Variants in DDB2 observed in about 807,000 individuals in gnomAD.
DDB2 encodes the protein damage specific DNA binding protein 2, also known as DNA damage-binding protein 2.
Under a neutral mutation model 50.5 loss-of-function variants are expected in DDB2, and 27 were observed. The ratio of observed to expected loss-of-function variants is 0.53; its 90% CI spans 0.39 to 0.74. The LOEUF (loss-of-function observed/expected upper bound fraction) is 0.74. Ranked by LOEUF, DDB2 falls within the 30% of genes least tolerant of loss-of-function variation. The pLI is 0.00. For synonymous variants in DDB2, 176 were observed against 205.5 expected, an observed-to-expected ratio of 0.86 and a Z score of 1.23; for missense variants, 424 against 545.6, an observed-to-expected ratio of 0.78 and a Z score of 2.22.
chr11:47,218,150 C>T (rs1352258288), intron 3 of DDB2, among the ~76,000 whole-genome samples: 1 of 152,202 alleles, frequency 6.6e-6, no homozygotes, highest in Non-Finnish European at 1.5e-5. Context: ...TCCCACTCCT[C>T]CACCGTCATT....
intron 3 of DDB2, among the ~76,000 whole-genome samples, chr11:47,224,971 T>C (rs995988670): frequency 1.3e-5 from 2 of 152,074 alleles, no homozygotes; most frequent in Non-Finnish European, 2.9e-5. Context: ...GAGGTCTCAC[T>C]CTCTCTTCCA....
Position 47,234,690 on chromosome 11 carries a change from C to T in DDB2, c.702+18C>T. 1.9e-6 allele frequency: 3 copies of T among 1,613,946 alleles called. No individual in the cohort carries two copies. The highest frequency in any genetic ancestry group is 1.3e-5 in the African/African-American group (1 of 75,026). On this transcript the variant is annotated intron_variant, in intron 5 of 9. Transcript: ENST00000256996. Reference sequence around the variant, plus strand: ...GCAAAGAGGTGCGTTCTCCGAGGTCCTGCCTTTCCCTCCCTCACCCCCACC... The same window carrying T: ...GCAAAGAGGTGCGTTCTCCGAGGTCTTGCCTTTCCCTCCCTCACCCCCACC...
chr11:47,234,493 T>A lies in DDB2; in HGVS notation c.603-80T>A, dbSNP rs1055052827. On this transcript the variant is annotated intron_variant, in intron 4 of 9. Coordinates refer to ENST00000256996, the MANE Select transcript of DDB2 (RefSeq NM_000107.3). ...ATATTTATTGAATGCCCGCTGTGGG[T>A]TAGTCACCGGAGCGGCAACAGTGAG... 4.7e-6 allele frequency: 5 copies of A among 1,072,800 alleles called. No individual in the cohort carries two copies. The Admixed American group carries it at 8.4e-5, about 18-fold the overall frequency. The allele number at this position is 1,072,800 out of a possible 1,614,324, so 66.5% of individuals were successfully genotyped here.
intron 3 of DDB2, among the ~76,000 whole-genome samples, chr11:47,231,366 CAT>C (rs1953646922): frequency 6.6e-6 from 1 of 152,116 alleles, no homozygotes; most frequent in African/African-American, 2.4e-5. Context: ...AATTAGGGCA[CAT>C]CCATGTAATG....
chr11:47,219,232 C>T (rs893533749), intron 3 of DDB2, among the ~76,000 whole-genome samples: 14 of 152,130 alleles, frequency 9.2e-5, no homozygotes, highest in Non-Finnish European at 1.0e-4. Context: ...CGTGAGCCAC[C>T]GCCCCCAGCC....
At chr11:47,219,044 A>G (rs909931043) in intron 3 of DDB2, among the ~76,000 whole-genome samples, 3 of 151,772 alleles carry the variant, frequency 2.0e-5, no homozygotes, top group Non-Finnish European at 4.4e-5. Flanking sequence ...TCCCGGATTC[A>G]TGCCATTCTC....
chr11:47,217,890 C>T (rs4647714), intron 3 of DDB2, among the ~76,000 whole-genome samples: 2,457 of 149,966 alleles, frequency 0.016, 75 homozygotes, highest in African/African-American at 0.056. Flanking sequence ...GACTCCATCT[C>T]AAAAAAAAAG....
In DDB2 at chr11:47,234,842, T is replaced by C; in HGVS notation, c.788T>C (p.Val263Ala). 1 of 1,614,192 alleles carries C rather than the reference T, an allele frequency of 6.2e-7. No homozygotes were observed. The highest frequency in any genetic ancestry group is 8.5e-7 in the Non-Finnish European group (1 of 1,180,022). The part of the protein sequence containing the change: ...CCDWFLATAS[V>A]DQTVKIWDLR... ...GATTGGTTCCTGGCCACAGCCTCCG[T>C]AGATCAAACAGTGAAAATTTGGGAC... The change falls in exon 6 of 10, where the codon GTA (valine) becomes GCA (alanine). Residue 263 changes from valine to alanine, a missense_variant. Transcript: ENST00000256996.
chr11:47,230,464 A>G (rs1458402578), intron 3 of DDB2, among the ~76,000 whole-genome samples: 1 of 152,190 alleles, frequency 6.6e-6, no homozygotes, highest in East Asian at 1.9e-4. Context: ...ATCAATTTAC[A>G]TGCTTAATTA....
At chr11:47,226,502 A>G (rs1212226271) in intron 3 of DDB2, among the ~76,000 whole-genome samples, 1 of 151,312 alleles carries the variant, frequency 6.6e-6, no homozygotes. Flanking sequence ...TGAACTCCCG[A>G]CCTCAGGTGA....
intron 3 of DDB2, 31 bp from the exon 4 acceptor site, chr11:47,232,783 C>T (rs202120997): frequency 6.2e-7 from 1 of 1,612,490 alleles, no homozygotes; most frequent in East Asian, 2.2e-5. Context: ...GGCCCATCAT[C>T]ACTCACTGGC....
chr11:47,234,718 G>A lies in DDB2; in HGVS notation c.703-39G>A, dbSNP rs199502211. On this transcript the variant is annotated intron_variant, in intron 5 of 9. Coordinates refer to ENST00000256996, the MANE Select transcript of DDB2 (RefSeq NM_000107.3). ...CCTTTCCCTCCCTCACCCCCACCTC[G>A]GTTCTGTGTCCCCACCTGAACCGAG... The A allele has an allele frequency of 2.2e-4, 354 of 1,613,968 alleles. No individual in the cohort carries two copies. In the East Asian group the frequency reaches 4.7e-3, roughly 21 times the overall value.
chr11:47,217,348 C>G (rs1953415472), intron 3 of DDB2: 1 of 202,676 alleles, frequency 4.9e-6, no homozygotes, highest in South Asian at 8.8e-5. Flanking sequence ...TACACTCCAG[C>G]CTGGGCAACA....
In DDB2 at chr11:47,238,839, C is replaced by T; in HGVS notation, c.1274C>T (p.Thr425Ile). 6.2e-7 allele frequency: 1 copy of T among 1,613,556 alleles called. No homozygotes were observed. The highest frequency in any genetic ancestry group is 8.5e-7 in the Non-Finnish European group (1 of 1,179,918). The change falls in exon 10 of 10, where the codon ACA becomes ATA. Residue 425 changes from threonine to isoleucine, a missense_variant. Thr to Ile is a moderately conservative substitution (Grantham distance 89, BLOSUM62 -1). Transcript: ENST00000256996. Reference protein sequence around the residue: ...ILIWSQEEARTRK With the variant: ...ILIWSQEEARIRK ...ATCTGGAGCCAGGAGGAAGCCAGGACACGGAAGTGAGAGACACTAAAGAAG... is the reference window on the plus strand; with the variant it reads ...ATCTGGAGCCAGGAGGAAGCCAGGATACGGAAGTGAGAGACACTAAAGAAG...
chr11:47,215,869 C>T (rs758666064), intron 1 of DDB2: 1 of 288,400 alleles, frequency 3.5e-6, no homozygotes, highest in Non-Finnish European at 6.8e-6. Context: ...TCACTTACCT[C>T]CCCAGAAGTA....
At chr11:47,225,776 T>TG (rs1953549347) in intron 3 of DDB2, among the ~76,000 whole-genome samples, 1 of 152,138 alleles carries the variant, frequency 6.6e-6, no homozygotes, top group African/African-American at 2.4e-5. Context: ...CACTTCTCCC[T>TG]CCCCTTAGCC....
intron 2 of DDB2, 109 bp downstream of exon 2, chr11:47,216,581 G>C (rs994876446): frequency 1.3e-6 from 2 of 1,497,040 alleles, no homozygotes; most frequent in Admixed American, 3.7e-5. Flanking sequence ...AGAGTGGTCC[G>C]ATCACCCAGA....
chr11:47,238,387 C>T (rs1476592353), intron 9 of DDB2, among the ~76,000 whole-genome samples: 1 of 152,036 alleles, frequency 6.6e-6, no homozygotes, highest in Non-Finnish European at 1.5e-5. Flanking sequence ...GGCTACTGTC[C>T]AGTTTCCTAG....
chr11:47,229,814 T>G (rs979167796), intron 3 of DDB2: 16 of 356,434 alleles, frequency 4.5e-5, no homozygotes, highest in African/African-American at 4.4e-4. Flanking sequence ...ATTTGATGGC[T>G]CTTCTTTTTT....
Sources: gnomAD v4.1 joint callset for allele counts (sites outside exome capture counted in the v4.1 genomes callset) on GRCh38, gnomAD v4.1.1 for gene constraint, MANE v1.5 for transcripts, NCBI Gene and HGNC (gene_info 2026-07-23, HGNC 2026-07-21) for gene names.